Variants in VKORC1L1 observed in about 807,000 individuals in gnomAD.
VKORC1L1 encodes vitamin K epoxide reductase complex subunit 1-like protein 1.
In VKORC1L1, 2 loss-of-function variants were observed where a neutral mutation model predicts 18.9. That is an observed-to-expected ratio of 0.11 (90% CI 0.04 to 0.33). VKORC1L1 has a LOEUF of 0.33. VKORC1L1 is among the 10% of genes least tolerant of loss of function. The probability of loss-of-function intolerance (pLI) is 1.00; values close to 1 mark genes in which losing one functional copy is unlikely to be tolerated. For synonymous variants in VKORC1L1, 96 were observed against 100.0 expected (o/e 0.96, Z 0.24); for missense variants, 123 against 224.1 (o/e 0.55, Z 2.88).
At chr7:65,938,675 A>G (rs1789986303) in intron 1 of VKORC1L1, among the ~76,000 whole-genome samples, 1 of 152,208 alleles carries the variant, frequency 6.6e-6, no homozygotes, top group African/African-American at 2.4e-5. Flanking sequence ...ATCTTTAAAA[A>G]TGTTGAGGGA....
intron 1 of VKORC1L1, among the ~76,000 whole-genome samples, chr7:65,904,695 T>A (rs1172548119): frequency 6.6e-6 from 1 of 151,972 alleles, no homozygotes; most frequent in Non-Finnish European, 1.5e-5. Flanking sequence ...ATGCAAGACA[T>A]ATGGGGAAAG....
chr7:65,906,841 T>G (rs182058378), intron 1 of VKORC1L1, among the ~76,000 whole-genome samples: 1 of 152,286 alleles, frequency 6.6e-6, no homozygotes, highest in Admixed American at 6.5e-5. Context: ...AGATTTCATT[T>G]TGGGGCCATA....
At chr7:65,869,100 A>C (rs1788694730), upstream of VKORC1L1, among the ~76,000 whole-genome samples, 10 of 152,062 alleles carry the variant, frequency 6.6e-5, no homozygotes, top group Admixed American at 6.6e-4. Flanking sequence ...AGATCACTTG[A>C]GGTCAGGAGA....
intron 1 of VKORC1L1, among the ~76,000 whole-genome samples, chr7:65,939,860 G>A (rs1200842736): frequency 1.3e-5 from 2 of 152,106 alleles, no homozygotes; most frequent in African/African-American, 2.4e-5. Context: ...TTGTATAACA[G>A]GGCATTTTAG....
intron 2 of VKORC1L1, among the ~76,000 whole-genome samples, chr7:65,949,467 G>A (rs926172047): frequency 3.4e-5 from 5 of 148,210 alleles, no homozygotes; most frequent in East Asian, 2.0e-4. Context: ...CAACAAGAGC[G>A]AAACTCCGTC....
At chr7:65,883,574 A>C (rs1269373679) in intron 1 of VKORC1L1, among the ~76,000 whole-genome samples, 2 of 152,044 alleles carry the variant, frequency 1.3e-5, no homozygotes, top group Non-Finnish European at 2.9e-5. Flanking sequence ...TTCTCGGCTC[A>C]CTGCAACCTC....
At position 65,873,257 on chromosome 7, in the gene VKORC1L1, T is replaced by TGGTGGCGGCGGCGGCGGA. The variant is rs1583815505; in HGVS notation, c.-112_-95dup. 1 of 863,478 alleles carries TGGTGGCGGCGGCGGCGGA rather than the reference T, an allele frequency of 1.2e-6. No individual in the cohort carries two copies. The highest frequency in any genetic ancestry group is 2.3e-5 in the African/African-American group (1 of 42,768). 53.5% of individuals were successfully genotyped at this position (863,478 alleles called of 1,614,324 possible). A position where few individuals can be genotyped will look rare whatever the true frequency, so the allele number is the denominator to read the frequency against. On this transcript the variant is annotated 5_prime_UTR_variant, in exon 1 of 3. Transcript: ENST00000360768. ...TGGGGCGCGGCGGCGGCGGCGGCGG[T>TGGTGGCGGCGGCGGCGGA]GGTGGCGGCGGCGGCGGAGGCGGCG...
intron 1 of VKORC1L1, among the ~76,000 whole-genome samples, chr7:65,944,186 A>T (rs1018756656): frequency 2.0e-5 from 3 of 151,916 alleles, no homozygotes; most frequent in African/African-American, 7.3e-5. Context: ...GGGCAACATG[A>T]TGAAACCCTG....
chr7:65,925,425 A>G (rs141564770), intron 1 of VKORC1L1, among the ~76,000 whole-genome samples: 22 of 152,282 alleles, frequency 1.4e-4, no homozygotes, highest in East Asian at 5.8e-4. Flanking sequence ...GACCCCTTCA[A>G]TCTGTGTTGT....
intron 1 of VKORC1L1, among the ~76,000 whole-genome samples, chr7:65,925,442 A>G (rs1789746510): frequency 6.6e-6 from 1 of 152,210 alleles, no homozygotes; most frequent in African/African-American, 2.4e-5. Flanking sequence ...TTGTATACCA[A>G]TGCCACAGTG....
intron 1 of VKORC1L1, among the ~76,000 whole-genome samples, chr7:65,883,672 G>A (rs1269661714): frequency 6.6e-6 from 1 of 150,586 alleles, no homozygotes; most frequent in Non-Finnish European, 1.5e-5. Flanking sequence ...GCTAATTTTT[G>A]TATTTTTAAT....
chr7:65,873,359 CGGCGGCGGG>C lies in VKORC1L1; in HGVS notation c.-12_-4del. Reference sequence around the variant, plus strand: ...TGGAGGCGGAGGGAGGCGGCGGCGGCGGCGGCGGGAAGATGGCGGCTCCCGTCCTGCTAA... The same window carrying C: ...TGGAGGCGGAGGGAGGCGGCGGCGGCAAGATGGCGGCTCCCGTCCTGCTAA... On this transcript the variant is annotated 5_prime_UTR_variant, in exon 1 of 3. Coordinates refer to ENST00000360768, the MANE Select transcript of VKORC1L1 (RefSeq NM_173517.6). The C allele has an allele frequency of 4.1e-6, 6 of 1,480,638 alleles. No homozygotes were observed. Among genetic ancestry groups the C allele is most frequent in the Non-Finnish European group, 4.5e-6 (5 of 1,116,260 alleles). 91.7% of individuals were successfully genotyped at this position (1,480,638 alleles called of 1,614,324 possible). A position where few individuals can be genotyped will look rare whatever the true frequency, so the allele number is the denominator to read the frequency against.
Position 65,957,483 on chromosome 7 carries a change from C to A in VKORC1L1, c.*3183C>A, listed in dbSNP as rs56720903. On this transcript the variant is annotated 3_prime_UTR_variant, in exon 3 of 3. Transcript: ENST00000360768. The stretch of plus-strand genomic sequence containing the variant: ...CCAACAGAGCGAGACTGTCCCCCCC[C>A]CAAAAAAAAAAGAGAGAGACTGCAT... 18,234 of 129,978 alleles carry A rather than the reference C, an allele frequency of 0.14. 1,251 individuals are homozygous for A. Among genetic ancestry groups the A allele is most frequent in the Middle Eastern group, 0.28 (59 of 214 alleles). The allele number at this position is 129,978 out of a possible 1,614,324, so 8.1% of individuals were successfully genotyped here. A position where few individuals can be genotyped will look rare whatever the true frequency, so the allele number is the denominator to read the frequency against.
chr7:65,913,164 T>A (rs1789527566), intron 1 of VKORC1L1, among the ~76,000 whole-genome samples: 1 of 152,228 alleles, frequency 6.6e-6, no homozygotes, highest in South Asian at 2.1e-4. Context: ...TTGGCTGCTA[T>A]AACTATGAAA....
At chr7:65,882,222 A>T (rs1396121753) in intron 1 of VKORC1L1, among the ~76,000 whole-genome samples, 5 of 151,918 alleles carry the variant, frequency 3.3e-5, no homozygotes, top group Non-Finnish European at 5.9e-5. Flanking sequence ...TCTACTAAAA[A>T]TACAAAATTA....
chr7:65,933,423 T>G (rs75546539), intron 1 of VKORC1L1, among the ~76,000 whole-genome samples: 5,950 of 152,280 alleles, frequency 0.039, 401 homozygotes, highest in African/African-American at 0.14. Flanking sequence ...GACTACATTT[T>G]CTGGTATTAA....
intron 1 of VKORC1L1, among the ~76,000 whole-genome samples, chr7:65,919,983 C>T (rs1789648979): frequency 6.6e-6 from 1 of 152,092 alleles, no homozygotes; most frequent in African/African-American, 2.4e-5. Flanking sequence ...GGCCTAAAGA[C>T]CCCATGATCT....
rs977064522 is a variant in VKORC1L1 at position 65,941,184 on chromosome 7, T to C, written c.195-7487T>C. Reference sequence around the variant, plus strand: ...TGCAGTACAGTGGCACAATCATAGCTCATTGCTTGCAGCCTCAAACTCCTG... The same window carrying C: ...TGCAGTACAGTGGCACAATCATAGCCCATTGCTTGCAGCCTCAAACTCCTG... On this transcript the variant is annotated intron_variant, in intron 1 of 2. Coordinates refer to ENST00000360768, the MANE Select transcript of VKORC1L1 (RefSeq NM_173517.6). 1.2e-4 allele frequency among the ~76,000 whole-genome samples: 18 copies of C among 152,178 alleles called. 1 individual carries two copies. The highest frequency in any genetic ancestry group is 9.8e-4 in the Admixed American group (15 of 15,278).
At chr7:65,942,461 C>T (rs1478442643) in intron 1 of VKORC1L1, among the ~76,000 whole-genome samples, 3 of 144,452 alleles carry the variant, frequency 2.1e-5, no homozygotes, top group Admixed American at 7.1e-5. Flanking sequence ...CACTGCACAC[C>T]GGCCTGGGTG....
Sources: allele counts gnomAD v4.1 joint callset (sites outside exome capture counted in the v4.1 genomes callset), GRCh38; gene constraint gnomAD v4.1.1; transcripts MANE v1.5; gene names NCBI Gene and HGNC (gene_info 2026-07-23, HGNC 2026-07-21).